Variants in ST8SIA2 observed in about 807,000 individuals in gnomAD.
ST8SIA2 encodes the protein alpha-2,8-sialyltransferase 8B.
Under a neutral mutation model 37.6 loss-of-function variants are expected in ST8SIA2, and 22 were observed. The observed-to-expected ratio is 0.58, with a 90% confidence interval of 0.42 to 0.83. The LOEUF is 0.83. Among genes scored for constraint, ST8SIA2 ranks in the 40% least tolerant of loss-of-function variants. The pLI, the probability that ST8SIA2 is intolerant of heterozygous loss-of-function variation, is 0.00. For synonymous variants in ST8SIA2, 205 were observed against 201.2 expected (o/e 1.02, Z -0.16); for missense variants, 382 against 484.7 (o/e 0.79, Z 1.99).
chr15:92,460,666 T>A (rs2099351967), intron 5 of ST8SIA2, among the ~76,000 whole-genome samples: 1 of 152,146 alleles, frequency 6.6e-6, no homozygotes, highest in South Asian at 2.1e-4. Flanking sequence ...CCAGCACCAT[T>A]CCTCCTGCCT....
At chr15:92,460,414 G>T (rs1233094990) in intron 5 of ST8SIA2, among the ~76,000 whole-genome samples, 1 of 152,264 alleles carries the variant, frequency 6.6e-6, no homozygotes, top group African/African-American at 2.4e-5. Context: ...TTTAGGAGGG[G>T]GTGAGCTCCC....
chr15:92,463,982 C>T (rs978026725), intron 5 of ST8SIA2, 118 bp from the exon 6 acceptor site: 24 of 1,382,400 alleles, frequency 1.7e-5, no homozygotes, highest in African/African-American at 1.5e-4. Context: ...GTAGCTTGAT[C>T]GGTCCCTGGA....
intron 1 of ST8SIA2, among the ~76,000 whole-genome samples, chr15:92,398,032 C>T (rs1436501136): frequency 2.0e-5 from 3 of 152,118 alleles, no homozygotes; most frequent in African/African-American, 7.2e-5. Flanking sequence ...ACTCGGGAGG[C>T]TGAGGCAGGA....
intron 1 of ST8SIA2, among the ~76,000 whole-genome samples, chr15:92,401,558 G>A (rs1296265781): frequency 6.6e-6 from 1 of 152,158 alleles, no homozygotes; most frequent in African/African-American, 2.4e-5. Context: ...TGTATTACAC[G>A]TTGGCAGTCG....
At chr15:92,423,143 A>T (rs1020534267) in intron 1 of ST8SIA2, among the ~76,000 whole-genome samples, 3 of 152,252 alleles carry the variant, frequency 2.0e-5, no homozygotes, top group African/African-American at 7.2e-5. Context: ...GAAAAGATGT[A>T]AAGAGGGAGA....
chr15:92,425,030 C>T (rs999433646), intron 1 of ST8SIA2, among the ~76,000 whole-genome samples: 1 of 152,136 alleles, frequency 6.6e-6, no homozygotes, highest in Non-Finnish European at 1.5e-5. Flanking sequence ...AAAGTATCCC[C>T]ATATGTTTTC....
chr15:92,402,278 A>G (rs2049477509), intron 1 of ST8SIA2, among the ~76,000 whole-genome samples: 1 of 152,196 alleles, frequency 6.6e-6, no homozygotes, highest in African/African-American at 2.4e-5. Flanking sequence ...CAACAAAGTC[A>G]TATTTTGTCT....
At chr15:92,420,547 T>A (rs1286629210) in intron 1 of ST8SIA2, among the ~76,000 whole-genome samples, 1 of 152,178 alleles carries the variant, frequency 6.6e-6, no homozygotes, top group African/African-American at 2.4e-5. Context: ...GCTGGTACCT[T>A]TTTGTACACC....
intron 1 of ST8SIA2, among the ~76,000 whole-genome samples, chr15:92,418,773 A>C (rs941177765): frequency 6.6e-6 from 1 of 152,198 alleles, no homozygotes; most frequent in Non-Finnish European, 1.5e-5. Context: ...TGTTGGGTGT[A>C]AATACAGAGA....
chr15:92,450,797 T>A (rs1002959974), intron 5 of ST8SIA2, among the ~76,000 whole-genome samples: 4 of 152,156 alleles, frequency 2.6e-5, no homozygotes, highest in African/African-American at 9.7e-5. Context: ...CCAAACCATA[T>A]CAATGAGATA....
At chr15:92,451,891 T>C (rs2049884787) in intron 5 of ST8SIA2, among the ~76,000 whole-genome samples, 1 of 152,060 alleles carries the variant, frequency 6.6e-6, no homozygotes, top group Admixed American at 6.5e-5. Flanking sequence ...CTATTACACA[T>C]AACTAGGAAA....
chr15:92,430,625 G>A lies in ST8SIA2; in HGVS notation c.161+514G>A, dbSNP rs565567474. Among the ~76,000 whole-genome samples, 5 of 152,198 alleles carry A rather than the reference G, an allele frequency of 3.3e-5. No homozygotes were observed. The South Asian group carries it at 6.2e-4, about 19-fold the overall frequency. ...AAGAGTGTTTCTACTTCATGTAATG[G>A]TGCAGAACAGTCATTGCCAGGGGAC... On this transcript the variant is annotated intron_variant, in intron 2 of 5. Transcript: ENST00000268164.
intron 4 of ST8SIA2, among the ~76,000 whole-genome samples, chr15:92,440,926 C>A (rs2049797024): frequency 6.6e-6 from 1 of 152,236 alleles, no homozygotes; most frequent in Non-Finnish European, 1.5e-5. Flanking sequence ...TGGACTCTGT[C>A]TCCACTCCAC....
intron 3 of ST8SIA2, among the ~76,000 whole-genome samples, chr15:92,436,819 G>A (rs564990920): frequency 1.3e-5 from 2 of 152,136 alleles, no homozygotes; most frequent in Admixed American, 6.5e-5. Flanking sequence ...GATGAGACGC[G>A]CCGAGCTTAC....
chr15:92,444,521 G>A (rs1338781782), intron 4 of ST8SIA2, 115 bp from the exon 5 acceptor site: 6 of 1,285,942 alleles, frequency 4.7e-6, no homozygotes, highest in Middle Eastern at 1.9e-4. Flanking sequence ...AGATGCCCTG[G>A]GTCTTTGTTT....
intron 5 of ST8SIA2, among the ~76,000 whole-genome samples, chr15:92,458,071 G>A (rs947931629): frequency 6.6e-6 from 1 of 152,184 alleles, no homozygotes; most frequent in African/African-American, 2.4e-5. Flanking sequence ...TGAGTGCAAC[G>A]GAAGTCAGGA....
rs150828419 is a variant in ST8SIA2 at position 92,398,090 on chromosome 15, C to T, written c.98+3928C>T. Reference sequence around the variant, plus strand: ...AAGAGGTTGCAGTGAGCCAAGATCACGCCATTGCACTCCAGCCTGGGCGAC... The same window carrying T: ...AAGAGGTTGCAGTGAGCCAAGATCATGCCATTGCACTCCAGCCTGGGCGAC... On this transcript the variant is annotated intron_variant, in intron 1 of 5. Transcript: ENST00000268164. Among the ~76,000 whole-genome samples, 78 of 152,080 alleles carry T rather than the reference C, an allele frequency of 5.1e-4. 1 individual carries two copies. Among genetic ancestry groups the T allele is most frequent in the Middle Eastern group, 3.4e-3 (1 of 294 alleles).
At chr15:92,454,025 C>T (rs189133539) in intron 5 of ST8SIA2, among the ~76,000 whole-genome samples, 77 of 152,288 alleles carry the variant, frequency 5.1e-4, no homozygotes, top group African/African-American at 1.5e-3. Flanking sequence ...CAGGCAGCAG[C>T]GAACCCCCCA....
chr15:92,433,353 A>C (rs962942592), intron 2 of ST8SIA2, among the ~76,000 whole-genome samples: 1 of 152,242 alleles, frequency 6.6e-6, no homozygotes, highest in African/African-American at 2.4e-5. Flanking sequence ...TGACCCACAT[A>C]TATCTGTGTG....
Sources: allele counts gnomAD v4.1 joint callset (sites outside exome capture counted in the v4.1 genomes callset), GRCh38; gene constraint gnomAD v4.1.1; transcripts MANE v1.5; gene names NCBI Gene and HGNC (gene_info 2026-07-23, HGNC 2026-07-21).